SACS: variants seen among roughly 807,000 people sequenced by gnomAD.
SACS encodes sacsin molecular chaperone.
In SACS, 197 loss-of-function variants were observed where a neutral mutation model predicts 348.0. The observed-to-expected ratio is 0.57, with a 90% CI of 0.50 to 0.64. SACS has a LOEUF of 0.64. Ranked by LOEUF, SACS falls within the 30% of genes least tolerant of loss-of-function variation. SACS has a pLI of 0.00. For synonymous variants in SACS, 1,985 were observed against 1,910.6 expected, an observed-to-expected ratio of 1.04 and a Z score of -1.02; for missense variants, 4,999 against 5,360.8, an observed-to-expected ratio of 0.93 and a Z score of 2.11.
intron 9 of SACS, among the ~76,000 whole-genome samples, chr13:23,347,251 C>T (rs2766115): frequency 0.84 from 128,093 of 152,126 alleles, 54,338 homozygotes; most frequent in East Asian, 1. Context: ...GGAGTACCTA[C>T]ACAAAGTGTA....
chr13:23,333,236 ACT>A lies in SACS; in HGVS notation c.10638_10639del (p.Arg3546SerfsTer3). ...TTTTTCAGGAAGCATAACTTCAAAA[ACT>A]CTCACAGTTCTATCATAGAAATGCT... On this transcript the variant is annotated frameshift_variant, in exon 10 of 10. Transcript: ENST00000382292. LOFTEE classifies it high-confidence loss of function. 6.3e-7 allele frequency: 1 copy of A among 1,597,434 alleles called. No homozygotes were observed. The highest frequency in any genetic ancestry group is 1.1e-5 in the South Asian group (1 of 87,746).
intron 1 of SACS, among the ~76,000 whole-genome samples, chr13:23,424,569 T>C (rs908486605): frequency 1.3e-5 from 2 of 151,568 alleles, no homozygotes; most frequent in African/African-American, 4.9e-5. Flanking sequence ...CTATTGTACC[T>C]ACATAGATTT....
rs1414521853 is a variant in SACS at position 23,338,197 on chromosome 13, T to C, written c.5679A>G (p.Thr1893=). ...TTTTCCAGATTTCTTTCCTATTTGA[T>C]GTAACAGCAAAGCACCCATTGATAT... ...PVHINGCFAV[T]SNRKEIWKTD... is the part of the protein sequence containing the mutation. Residue 1893 remains threonine, a synonymous_variant, in exon 10 of 10, where the codon ACA becomes ACG. Coordinates refer to ENST00000382292, the MANE Select transcript of SACS (RefSeq NM_014363.6). The C allele has an allele frequency of 6.2e-7, 1 of 1,614,172 alleles. No homozygotes were observed. Among genetic ancestry groups the C allele is most frequent in the East Asian group, 2.2e-5 (1 of 44,890 alleles).
Position 23,335,821 on chromosome 13 carries a change from A to C in SACS, c.8055T>G (p.Tyr2685Ter). ...TATCCAGTTTAAAATGGGTTCCCAG[A>C]TAAAGATCCAGAACATCTGAGAACT... ...RTQFSDVLDL[Y>*]LGTHFKLDNC... The change falls in exon 10 of 10, where the codon TAT becomes TAG. Residue 2685 changes from tyrosine (Y) to a stop codon, truncating the protein, a stop_gained. Coordinates refer to ENST00000382292, the MANE Select transcript of SACS (RefSeq NM_014363.6). LOFTEE classifies it high-confidence loss of function. The surrounding 1 kb of genome is among the most constrained non-coding windows in gnomAD (Gnocchi z 4.7). 1 of 1,614,056 alleles carries C rather than the reference A, an allele frequency of 6.2e-7. No homozygotes were observed. The highest frequency in any genetic ancestry group is 8.5e-7 in the Non-Finnish European group (1 of 1,179,916).
chr13:23,337,767 A>G lies in SACS; in HGVS notation c.6109T>C (p.Phe2037Leu), dbSNP rs1868781967. The stretch of plus-strand genomic sequence containing the variant: ...ATCTGTTTGCAGCCAGCTTCTTCAA[A>G]TCCTAATTTTACCGAAGAAGGAAGT... The part of the protein sequence containing the change: ...VELPSSVKLG[F>L]EEAGCKQILL... The change falls in exon 10 of 10, where the codon TTT (phenylalanine) becomes CTT (leucine). Residue 2037 changes from phenylalanine to leucine, a missense_variant. Physicochemically the swap from Phe to Leu is conservative, Grantham distance 22 (BLOSUM62 0). Around this residue, in one of 6 missense-constraint regions of SACS, gnomAD observed 3,156 missense variants for 3,380.1 expected, o/e 0.93. Coordinates refer to ENST00000382292, the MANE Select transcript of SACS (RefSeq NM_014363.6). 6.2e-7 allele frequency: 1 copy of G among 1,613,822 alleles called. No individual in the cohort carries two copies. The highest frequency in any genetic ancestry group is 1.3e-5 in the African/African-American group (1 of 74,938).
intron 2 of SACS, among the ~76,000 whole-genome samples, chr13:23,391,851 A>C (rs1872537451): frequency 6.6e-6 from 1 of 152,012 alleles, no homozygotes; most frequent in African/African-American, 2.4e-5. Context: ...AAGTACTGCA[A>C]AGTGCCCATC....
At chr13:23,364,386 T>C (rs1260649370) in intron 6 of SACS, among the ~76,000 whole-genome samples, 1 of 152,200 alleles carries the variant, frequency 6.6e-6, no homozygotes, top group African/African-American at 2.4e-5. Flanking sequence ...GTTCAAGCGA[T>C]TCTCCGGCCT....
Position 23,337,511 on chromosome 13 carries a change from T to C in SACS, c.6365A>G (p.Lys2122Arg), listed in dbSNP as rs1343670945. 1.2e-6 allele frequency: 2 copies of C among 1,613,916 alleles called. No homozygotes were observed. The highest frequency in any genetic ancestry group is 1.7e-5 in the Admixed American group (1 of 60,010). The change falls in exon 10 of 10, where the codon AAG (lysine) becomes AGG (arginine). Residue 2122 changes from lysine to arginine, a missense_variant. Lys to Arg is a conservative substitution (Grantham distance 26). Around this residue, in one of 6 missense-constraint regions of SACS, gnomAD observed 3,156 missense variants for 3,380.1 expected, o/e 0.93. Transcript: ENST00000382292. Reference sequence around the variant, plus strand: ...TCTCCCATCTTTAATATCAAATAACTTTGCAACTCGTCCTTCGGGGTGGAT... The same window carrying C: ...TCTCCCATCTTTAATATCAAATAACCTTGCAACTCGTCCTTCGGGGTGGAT... ...RLIHPEGRVA[K>R]LFDIKDGRFP...
rs1317351655 is a variant in SACS, at chr13:23,332,170, T to C, written c.11706A>G (p.Val3902=). 6 of 1,613,924 alleles carry C rather than the reference T, an allele frequency of 3.7e-6. No individual in the cohort carries two copies. Among genetic ancestry groups the C allele is most frequent in the East Asian group, 4.5e-5 (2 of 44,884 alleles). The part of the protein sequence containing the change: ...SVKVRSDLEN[V]RDLALYLPSQ... ...TTGGGAGGTAAAGCGCAAGGTCTCG[T>C]ACATTCTCGAGATCACTCCTCACCT... Residue 3902 remains valine (V), a synonymous_variant, in exon 10 of 10, where the codon GTA becomes GTG. Transcript: ENST00000382292.
Position 23,333,459 on chromosome 13 carries a change from C to G in SACS, c.10417G>C (p.Asp3473His), listed in dbSNP as rs776677083. ...YEVIGCVPVD[D>H]LEVYLKHLLP... is the part of the protein sequence containing the mutation. ...AGGTGTTTCAAATATACCTCAAGAT[C>G]ATCTACAGGTACACAACCAATCACC... Residue 3473 changes from aspartate (D) to histidine (H), a missense_variant, in exon 10 of 10, where the codon GAT (aspartate) becomes CAT (histidine). Physicochemically the swap from Asp to His is moderately conservative, Grantham distance 81. Transcript: ENST00000382292. 12 of 1,611,652 alleles carry G rather than the reference C, an allele frequency of 7.4e-6. No individual in the cohort carries two copies. Among genetic ancestry groups the G allele is most frequent in the Admixed American group, 1.7e-5 (1 of 59,912 alleles).
intron 2 of SACS, among the ~76,000 whole-genome samples, chr13:23,378,622 G>A (rs1237185035): frequency 6.6e-6 from 1 of 152,098 alleles, no homozygotes; most frequent in Admixed American, 6.6e-5. Context: ...TGTATTTTTA[G>A]TAGAGACAGG....
chr13:23,375,580 G>C (rs1203677146), intron 2 of SACS: 5 of 1,027,274 alleles, frequency 4.9e-6, no homozygotes, highest in Non-Finnish European at 4.7e-6. Context: ...GCCCACTCCC[G>C]GCCCTGCAGG....
At chr13:23,399,037 A>AAAAAAAAAAAAAAAAAAAAC (rs55848856) in intron 2 of SACS, among the ~76,000 whole-genome samples, 4 of 149,862 alleles carry the variant, frequency 2.7e-5, no homozygotes, top group African/African-American at 9.9e-5. Flanking sequence ...AAAAAAAAAA[A>AAAAAAAAAAAAAAAAAAAAC]CATGGATGCC....
rs140854083 is a variant in SACS, at chr13:23,431,130, G to A, written c.-502+2485C>T. Reference sequence around the variant, plus strand: ...ATAAGGCTATTGTAAGAATCAATGAGATAAAAGCATTTAATTTGATCAAAT... The same window carrying A: ...ATAAGGCTATTGTAAGAATCAATGAAATAAAAGCATTTAATTTGATCAAAT... On this transcript the variant is annotated intron_variant, in intron 1 of 9. Transcript: ENST00000382292. 7.9e-3 allele frequency among the ~76,000 whole-genome samples: 1,199 copies of A among 152,318 alleles called. 17 individuals carry two copies. Among genetic ancestry groups the A allele is most frequent in the Non-Finnish European group, 7.8e-3 (529 of 68,012 alleles).
Position 23,429,345 on chromosome 13 carries a change from A to ATTTTTTTTTTTTTTT in SACS, c.-502+4255_-502+4269dup, listed in dbSNP as rs536939164. 7.8e-5 allele frequency among the ~76,000 whole-genome samples: 4 copies of ATTTTTTTTTTTTTTT among 51,474 alleles called. 1 individual carries two copies. The highest frequency in any genetic ancestry group is 1.4e-4 in the Non-Finnish European group (4 of 28,790). The allele number at this position is 51,474 out of a possible 152,430, so 33.8% of individuals were successfully genotyped here. A position where few individuals can be genotyped will look rare whatever the true frequency, so the allele number is the denominator to read the frequency against. On this transcript the variant is annotated intron_variant, in intron 1 of 9. Coordinates refer to ENST00000382292, the MANE Select transcript of SACS (RefSeq NM_014363.6). ...CTGTGATTCAGTCGTTGAGGTAGGG[A>ATTTTTTTTTTTTTTT]TTTTTTTTTTTTTTTTTTTTTTTTT...
chr13:23,418,079 A>T (rs1873757102), intron 1 of SACS, among the ~76,000 whole-genome samples: 1 of 147,734 alleles, frequency 6.8e-6, no homozygotes, highest in South Asian at 2.1e-4. Context: ...AAAAAAAAAA[A>T]TTCAAGTTAC....
At chr13:23,393,705 A>G (rs763699879) in intron 2 of SACS, among the ~76,000 whole-genome samples, 30 of 152,176 alleles carry the variant, frequency 2.0e-4, no homozygotes, top group Non-Finnish European at 2.9e-4. Flanking sequence ...GTCTTTTGTT[A>G]TTAATAAAGA....
chr13:23,422,221 AT>A (rs570765896), intron 1 of SACS, among the ~76,000 whole-genome samples: 69 of 152,338 alleles, frequency 4.5e-4, no homozygotes, highest in African/African-American at 1.6e-3. Flanking sequence ...AACAAATGAG[AT>A]TTCAGAGGCC....
intron 9 of SACS, among the ~76,000 whole-genome samples, chr13:23,343,002 TTA>T (rs1447175789): frequency 6.6e-6 from 1 of 152,168 alleles, no homozygotes; most frequent in Non-Finnish European, 1.5e-5. Flanking sequence ...TAGCTACTTA[TTA>T]TTAAAGTGTG....
Sources: allele counts gnomAD v4.1 joint callset (sites outside exome capture counted in the v4.1 genomes callset), GRCh38; gene constraint gnomAD v4.1.1; regional missense constraint gnomAD v4.1.1; non-coding constraint Gnocchi (gnomAD v3.1); transcripts MANE v1.5; gene names NCBI Gene and HGNC (gene_info 2026-07-23, HGNC 2026-07-21).